ADGRL3: variants seen among roughly 807,000 people sequenced by gnomAD.
ADGRL3 encodes calcium-independent alpha-latrotoxin receptor 3.
ADGRL3 carries 62 observed loss-of-function variants against 153.5 expected under a neutral mutation model. The ratio of observed to expected loss-of-function variants is 0.40; its 90% CI spans 0.33 to 0.50. The LOEUF is 0.50. ADGRL3 is among the 20% of genes least tolerant of loss of function. ADGRL3 has a pLI of 0.47. For synonymous variants in ADGRL3, 710 were observed against 672.5 expected (o/e 1.06, Z -0.86); for missense variants, 1,641 against 1,859.4 (o/e 0.88, Z 2.16).
intron 2 of ADGRL3, among the ~76,000 whole-genome samples, chr4:61,464,260 A>G (rs760146351): frequency 3.0e-4 from 45 of 152,194 alleles, no homozygotes; most frequent in Admixed American, 1.2e-3. Flanking sequence ...CATTTTCAAA[A>G]CAAGTGTTGT....
intron 9 of ADGRL3, among the ~76,000 whole-genome samples, chr4:61,827,151 A>G (rs1020359856): frequency 2.6e-5 from 4 of 152,178 alleles, no homozygotes; most frequent in Admixed American, 6.5e-5. Context: ...TCCAATAAAT[A>G]CCCTGGGGTT....
intron 2 of ADGRL3, among the ~76,000 whole-genome samples, chr4:61,494,903 G>T (rs537432444): frequency 2.3e-4 from 35 of 152,200 alleles, no homozygotes; most frequent in Admixed American, 1.4e-3. Flanking sequence ...GATTCACATT[G>T]AAAGGATGAG....
At chr4:62,016,212 C>G (rs977918612) in intron 21 of ADGRL3, among the ~76,000 whole-genome samples, 1 of 152,020 alleles carries the variant, frequency 6.6e-6, no homozygotes, top group Non-Finnish European at 1.5e-5. Context: ...CCATGCCCAG[C>G]TAATTTTTGT....
intron 25 of ADGRL3, among the ~76,000 whole-genome samples, chr4:62,063,099 T>C (rs1267209975): frequency 1.3e-5 from 2 of 152,100 alleles, no homozygotes; most frequent in African/African-American, 4.8e-5. Context: ...GAATGTTTTG[T>C]TTAATTTTTG....
At chr4:61,964,618 C>A (rs2098999508) in intron 17 of ADGRL3, among the ~76,000 whole-genome samples, 1 of 151,912 alleles carries the variant, frequency 6.6e-6, no homozygotes. Flanking sequence ...GGAATTCCCA[C>A]AATATCAGTA....
At chr4:61,676,585 A>T (rs2095202447) in intron 5 of ADGRL3, among the ~76,000 whole-genome samples, 2 of 151,984 alleles carry the variant, frequency 1.3e-5, no homozygotes, top group South Asian at 4.1e-4. Context: ...CTAACTAGAA[A>T]TTATGCTGTA....
At position 61,979,470 on chromosome 4, in the gene ADGRL3, A is replaced by G. The variant is rs933116991; in HGVS notation, c.2806-93A>G. 4.0e-6 allele frequency: 4 copies of G among 1,000,210 alleles called. No homozygotes were observed. The African/African-American group carries it at 6.4e-5, about 16-fold the overall frequency. The allele number at this position is 1,000,210 out of a possible 1,614,324, so 62.0% of individuals were successfully genotyped here. On this transcript the variant is annotated intron_variant, in intron 17 of 26. Transcript: ENST00000683033. The stretch of plus-strand genomic sequence containing the variant: ...GGGTATAGAGGGTATTTTGTGCATT[A>G]TTACTATCATGCTTTGTGCATCCAG...
intron 8 of ADGRL3, among the ~76,000 whole-genome samples, chr4:61,753,630 T>G (rs1243991649): frequency 6.6e-6 from 1 of 152,196 alleles, no homozygotes; most frequent in Non-Finnish European, 1.5e-5. Flanking sequence ...CATGATCTAG[T>G]CTACTTTACA....
At chr4:61,877,784 T>G (rs1157464238) in intron 9 of ADGRL3, among the ~76,000 whole-genome samples, 4 of 152,122 alleles carry the variant, frequency 2.6e-5, no homozygotes, top group African/African-American at 9.7e-5. Flanking sequence ...ACCACCCAAA[T>G]CTTATCTCAA....
intron 13 of ADGRL3, among the ~76,000 whole-genome samples, chr4:61,933,416 AC>A (rs1276584898): frequency 3.3e-5 from 5 of 152,112 alleles, no homozygotes; most frequent in Admixed American, 3.3e-4. Flanking sequence ...CTACTAGGTC[AC>A]GCTTTACACC....
chr4:61,914,615 A>G (rs1003652146), intron 13 of ADGRL3, among the ~76,000 whole-genome samples: 3 of 152,114 alleles, frequency 2.0e-5, no homozygotes, highest in African/African-American at 7.2e-5. Flanking sequence ...CCTTGCAGGT[A>G]TAGGGAGATG....
intron 17 of ADGRL3, among the ~76,000 whole-genome samples, chr4:61,950,202 A>C (rs929958269): frequency 6.6e-6 from 1 of 152,190 alleles, no homozygotes; most frequent in Non-Finnish European, 1.5e-5. Flanking sequence ...GTGTAATAAT[A>C]ATAAATAAGA....
At chr4:62,033,160 T>C (rs1005742420) in intron 23 of ADGRL3, among the ~76,000 whole-genome samples, 19 of 151,690 alleles carry the variant, frequency 1.3e-4, no homozygotes, top group African/African-American at 4.6e-4. Context: ...CAATCTATGA[T>C]ATTATAGTCC....
intron 5 of ADGRL3, among the ~76,000 whole-genome samples, chr4:61,596,351 A>G (rs1022397352): frequency 1.1e-4 from 16 of 152,188 alleles, no homozygotes; most frequent in African/African-American, 3.9e-4. Flanking sequence ...CTAATGTTAT[A>G]CTAAGACTTT....
intron 1 of ADGRL3, among the ~76,000 whole-genome samples, chr4:61,291,930 T>C (rs2094234001): frequency 6.7e-6 from 1 of 148,638 alleles, no homozygotes. Flanking sequence ...TTTTACAGGC[T>C]GATGTATGCA....
chr4:62,036,689 T>A (rs1213077058), intron 23 of ADGRL3, among the ~76,000 whole-genome samples: 1 of 152,128 alleles, frequency 6.6e-6, no homozygotes, highest in Non-Finnish European at 1.5e-5. Flanking sequence ...ATTTGAATAT[T>A]ACATTATCAT....
chr4:61,410,814 A>G (rs111802851), intron 2 of ADGRL3, among the ~76,000 whole-genome samples: 32 of 152,300 alleles, frequency 2.1e-4, no homozygotes, highest in African/African-American at 7.2e-4. Flanking sequence ...CCAAACTCAG[A>G]CATCCTGTCT....
chr4:61,873,823 G>A (rs6551665), intron 9 of ADGRL3, among the ~76,000 whole-genome samples: 89,547 of 151,506 alleles, frequency 0.59, 26,963 homozygotes, highest in Admixed American at 0.69. Context: ...AATGAGAGGT[G>A]GTGAGTGCTA....
chr4:61,328,413 G>A (rs1455095612), intron 1 of ADGRL3, among the ~76,000 whole-genome samples: 2 of 152,238 alleles, frequency 1.3e-5, no homozygotes, highest in Admixed American at 6.5e-5. Context: ...TAAGGCATAT[G>A]CCAGTGATCT....
Sources: allele counts gnomAD v4.1 joint callset (sites outside exome capture counted in the v4.1 genomes callset), GRCh38; gene constraint gnomAD v4.1.1; transcripts MANE v1.5; gene names NCBI Gene and HGNC (gene_info 2026-07-23, HGNC 2026-07-21).